The following SPATA13 variants were observed in gnomAD, a reference collection of about 807,000 sequenced individuals.
SPATA13 encodes the protein spermatogenesis associated 13, also known as spermatogenesis-associated protein 13.
A neutral mutation model predicts 104.0 loss-of-function variants in SPATA13; 50 were observed. That is an observed-to-expected ratio of 0.48 (90% CI 0.38 to 0.61). The LOEUF is 0.61. SPATA13 is among the 20% of genes least tolerant of loss of function. The probability of loss-of-function intolerance (pLI) is 0.00; values close to 1 mark genes in which losing one functional copy is unlikely to be tolerated. For synonymous variants in SPATA13, 606 were observed against 667.5 expected (o/e 0.91, Z 1.42); for missense variants, 1,524 against 1,690.6 (o/e 0.90, Z 1.73).
intron 3 of SPATA13, among the ~76,000 whole-genome samples, chr13:24,148,333 A>G (rs1881997600): frequency 6.6e-6 from 1 of 151,544 alleles, no homozygotes; most frequent in Non-Finnish European, 1.5e-5. Flanking sequence ...TTTTGTGCAC[A>G]ATTTCACAGA....
rs1878334054 is a variant in SPATA13, at chr13:24,051,384, T to C, written c.-112+33683T>C. 6.6e-6 allele frequency among the ~76,000 whole-genome samples: 1 copy of C among 152,222 alleles called. No homozygotes were observed. The highest frequency in any genetic ancestry group is 2.1e-4 in the South Asian group (1 of 4,830). ...ATCTTCCCCAGGTCCTCTTAAGGAC[T>C]GCCTGGCATCCCTCCCTATCTCCTT... is the stretch of plus-strand genomic sequence containing the variant. On this transcript the variant is annotated intron_variant, in intron 3 of 14. Coordinates refer to the SPATA13 transcript ENST00000424834. This position sits in a 1 kb window ranked among gnomAD's most constrained non-coding sequence, Gnocchi z 4.2.
chr13:24,147,950 T>C (rs1368855904), intron 3 of SPATA13, among the ~76,000 whole-genome samples: 1 of 152,242 alleles, frequency 6.6e-6, no homozygotes, highest in South Asian at 2.1e-4. Flanking sequence ...TTAAGGCTAA[T>C]ATTCTATTGT....
At chr13:23,989,008 G>C (rs984811648) in intron 2 of SPATA13, among the ~76,000 whole-genome samples, 1 of 152,120 alleles carries the variant, frequency 6.6e-6, no homozygotes, top group Non-Finnish European at 1.5e-5. Flanking sequence ...GGTGACAGTA[G>C]GTTTTATTAA....
intron 1 of SPATA13, among the ~76,000 whole-genome samples, chr13:24,189,639 T>C (rs1209957328): frequency 5.2e-5 from 1 of 19,148 alleles, no homozygotes; most frequent in African/African-American, 9.1e-5. Flanking sequence ...ATATATATAT[T>C]TATATATATA....
chr13:24,171,798 C>T (rs545900080), intron 1 of SPATA13, among the ~76,000 whole-genome samples: 6 of 152,274 alleles, frequency 3.9e-5, no homozygotes, highest in Middle Eastern at 6.8e-3. Context: ...GCTGGAGGAA[C>T]GTTGGGAAAG....
intron 1 of SPATA13, among the ~76,000 whole-genome samples, chr13:24,218,824 C>A (rs1451093326): frequency 1.3e-5 from 2 of 151,604 alleles, no homozygotes; most frequent in Non-Finnish European, 1.5e-5. Context: ...GTTAGACACT[C>A]CTGATGTACA....
rs142967628 is a variant in SPATA13, at chr13:24,233,350, T to C, written c.1653+8768T>C. Among the ~76,000 whole-genome samples, 82 of 152,364 alleles carry C rather than the reference T, an allele frequency of 5.4e-4. 1 individual carries two copies. Among genetic ancestry groups the C allele is most frequent in the African/African-American group, 1.8e-3 (75 of 41,586 alleles). On this transcript the variant is annotated intron_variant, in intron 2 of 12. Coordinates refer to ENST00000382108, the MANE Select transcript of SPATA13 (RefSeq NM_001166271.3). ...TTATGATATTTCCTAAATAGTATGC[T>C]TGGGGTAGACATGCAACAGATATCT...
rs185691150 is a variant in SPATA13, at chr13:24,095,249, C to G, written c.-112+77548C>G. On this transcript the variant is annotated intron_variant, in intron 3 of 14. Transcript: ENST00000424834. ...CATAATTTCACAAAAAGAAGAAAAG[C>G]CTGTTACATGCTATAACACAGATGA... Among the ~76,000 whole-genome samples, 5 of 152,278 alleles carry G rather than the reference C, an allele frequency of 3.3e-5. No homozygotes were observed. The East Asian group carries it at 9.6e-4, about 29-fold the overall frequency.
intron 4 of SPATA13, among the ~76,000 whole-genome samples, chr13:24,277,464 AAG>A (rs1365585159): frequency 0.33 from 21,103 of 64,262 alleles, 1,826 homozygotes; most frequent in Non-Finnish European, 0.45. Flanking sequence ...AAAAAAAAAG[AAG>A]AAGTTCACCT....
intron 2 of SPATA13, among the ~76,000 whole-genome samples, chr13:24,230,314 G>T (rs1354735691): frequency 1.3e-5 from 2 of 152,206 alleles, no homozygotes; most frequent in East Asian, 3.8e-4. Flanking sequence ...TGAGAGGAAT[G>T]TGTGCAGGTC....
chr13:24,143,950 C>T (rs112491069), intron 3 of SPATA13, among the ~76,000 whole-genome samples: 226 of 152,294 alleles, frequency 1.5e-3, no homozygotes, highest in African/African-American at 5.2e-3. Context: ...TGCCCTGAAA[C>T]CACAGGGCAT....
In SPATA13 at chr13:24,160,723, T is replaced by C. The variant is rs867299389; in HGVS notation, c.-321T>C. The C allele has an allele frequency of 2.2e-4, 219 of 985,008 alleles. No homozygotes were observed. The African/African-American group carries it at 3.4e-3, about 15-fold the overall frequency. The allele number at this position is 985,008 out of a possible 1,614,324, so 61.0% of individuals were successfully genotyped here. On this transcript the variant is annotated 5_prime_UTR_variant, in exon 1 of 13. Transcript: ENST00000382108. Reference sequence around the variant, plus strand: ...GGGGCTGGGGCGTGGCTTGGCTGAGTGTGCTGCCGCGGCGCGGGAGGAGAG... The same window carrying C: ...GGGGCTGGGGCGTGGCTTGGCTGAGCGTGCTGCCGCGGCGCGGGAGGAGAG...
chr13:24,032,453 A>G (rs552635888), intron 3 of SPATA13, among the ~76,000 whole-genome samples: 115 of 152,356 alleles, frequency 7.5e-4, no homozygotes, highest in Middle Eastern at 3.4e-3. Context: ...ATATGGCATT[A>G]GGAATAAATG....
rs756830014 is a variant in SPATA13 at position 24,251,786 on chromosome 13, G to T, written c.2088G>T (p.Arg696=). 1 of 1,614,182 alleles carries T rather than the reference G, an allele frequency of 6.2e-7. No individual in the cohort carries two copies. Among genetic ancestry groups the T allele is most frequent in the South Asian group, 1.1e-5 (1 of 91,078 alleles). ...PPYKAVSARF[R]PFTFSQSTPI... ...ACAAGGCTGTGTCGGCCCGGTTCCG[G>T]CCCTTCACATTCTCCCAGAGCACCC... The change falls in exon 4 of 13, where the codon CGG becomes CGT. Residue 696 remains arginine (R), a synonymous_variant. Transcript: ENST00000382108.
At chr13:24,248,021 C>T (rs967680350) in intron 2 of SPATA13, among the ~76,000 whole-genome samples, 4 of 152,198 alleles carry the variant, frequency 2.6e-5, no homozygotes, top group Non-Finnish European at 5.9e-5. Context: ...GGTTGTCCTC[C>T]CTGGGCCCAT....
chr13:24,246,359 T>C (rs1873128793), intron 2 of SPATA13, among the ~76,000 whole-genome samples: 1 of 152,252 alleles, frequency 6.6e-6, no homozygotes, highest in African/African-American at 2.4e-5. Flanking sequence ...ATTAACCTTT[T>C]CATGATTTCT....
At chr13:23,998,895 A>C (rs566956192) in intron 2 of SPATA13, among the ~76,000 whole-genome samples, 133 of 149,594 alleles carry the variant, frequency 8.9e-4, no homozygotes, top group Middle Eastern at 3.5e-3. Flanking sequence ...ATTTGTGTTC[A>C]GTGATCAATT....
intron 3 of SPATA13, among the ~76,000 whole-genome samples, chr13:24,025,976 T>C: frequency 6.6e-6 from 1 of 152,132 alleles, no homozygotes; most frequent in Non-Finnish European, 1.5e-5. Context: ...GGCTAATTTT[T>C]GTATTTTTAA....
chr13:24,076,864 G>A (rs1163402372), intron 3 of SPATA13, among the ~76,000 whole-genome samples: 1 of 151,902 alleles, frequency 6.6e-6, no homozygotes, highest in Non-Finnish European at 1.5e-5. Context: ...GTGGACAGGA[G>A]TCCCCTAGTC....
Sources: gnomAD v4.1 joint callset for allele counts (sites outside exome capture counted in the v4.1 genomes callset) on GRCh38, gnomAD v4.1.1 for gene constraint, Gnocchi (gnomAD v3.1) non-coding constraint, MANE v1.5 for transcripts, NCBI Gene and HGNC (gene_info 2026-07-23, HGNC 2026-07-21) for gene names.